The following OPHN1 variants were observed in gnomAD, a reference collection of about 807,000 sequenced individuals.
The protein encoded by OPHN1 is oligophrenin-1.
A neutral mutation model predicts 60.7 loss-of-function variants in OPHN1; 11 were observed. The ratio of observed to expected loss-of-function variants is 0.18; its 90% CI spans 0.11 to 0.30. The LOEUF is 0.30. Ranked by LOEUF, OPHN1 falls within the 10% of genes least tolerant of loss-of-function variation. The pLI is 1.00. For synonymous variants in OPHN1, 226 were observed against 222.6 expected (o/e 1.02, Z -0.14); for missense variants, 449 against 611.0 (o/e 0.73, Z 2.80).
At chrX:68,403,989 G>C (rs959202741) in intron 2 of OPHN1, among the ~76,000 whole-genome samples, 10 of 108,886 alleles carry the variant, frequency 9.2e-5, no homozygotes, top group African/African-American at 3.3e-4. Context: ...AGGAGACCTG[G>C]GTTGAAGTCT....
intron 18 of OPHN1, among the ~76,000 whole-genome samples, chrX:68,099,097 T>C (rs1400379675): frequency 1.8e-5 from 2 of 111,690 alleles, no homozygotes; most frequent in South Asian, 7.6e-4. Context: ...TTACTTGGCA[T>C]CCCATTTAGG....
At chrX:68,113,573 G>A (rs758102833) in intron 16 of OPHN1, among the ~76,000 whole-genome samples, 5 of 110,966 alleles carry the variant, frequency 4.5e-5, no homozygotes, top group South Asian at 3.9e-4. Flanking sequence ...TAGAATTTCC[G>A]AAGTGCTTTT....
rs200288420 is a variant in OPHN1, at chrX:68,389,568, AAAATAAAT to A, written c.154+43291_154+43298del. On this transcript the variant is annotated intron_variant, in intron 2 of 24. Coordinates refer to ENST00000355520, the MANE Select transcript of OPHN1 (RefSeq NM_002547.3). ...GGCAACAGAGCAAGACTCCCTCTCA[AAAATAAAT>A]AAATAAATAAATAAATAAATAAATA... Among the ~76,000 whole-genome samples the A allele has an allele frequency of 2.1e-3, 161 of 76,850 alleles. 2 individuals are homozygous for A. Among genetic ancestry groups the A allele is most frequent in the East Asian group, 4.7e-3 (11 of 2,317 alleles). The allele number at this position is 76,850 out of a possible 115,157, so 66.7% of individuals were successfully genotyped here. A position where few individuals can be genotyped will look rare whatever the true frequency, so the allele number is the denominator to read the frequency against.
At chrX:68,429,334 G>A (rs140379069) in intron 2 of OPHN1, among the ~76,000 whole-genome samples, 1,206 of 111,052 alleles carry the variant, frequency 0.011, 18 homozygotes, top group African/African-American at 0.038. Context: ...GCTGAGGCAC[G>A]AGAATTGCTT....
In OPHN1 at chrX:68,262,829, A is replaced by AAGGAAAGGAC. The variant is rs1569261668; in HGVS notation, c.384+11908_384+11909insGTCCTTTCCT. 4.1e-5 allele frequency among the ~76,000 whole-genome samples: 4 copies of AAGGAAAGGAC among 97,989 alleles called. No individual in the cohort carries two copies. The East Asian group carries it at 1.4e-3, about 33-fold the overall frequency. 85.1% of individuals were successfully genotyped at this position (97,989 alleles called of 115,157 possible). On this transcript the variant is annotated intron_variant, in intron 5 of 24. Coordinates refer to ENST00000355520, the MANE Select transcript of OPHN1 (RefSeq NM_002547.3). Reference sequence around the variant, plus strand: ...CAGGACAGGACAGGACAAGAAAGGAAAGGACAGGACAGGACAGGACAGGAC... The same window carrying AAGGAAAGGAC: ...CAGGACAGGACAGGACAAGAAAGGAAAGGAAAGGACAGGACAGGACAGGACAGGACAGGAC...
At chrX:68,162,209 T>C (rs931923891) in intron 15 of OPHN1, among the ~76,000 whole-genome samples, 5 of 110,736 alleles carry the variant, frequency 4.5e-5, no homozygotes, top group African/African-American at 1.6e-4. Flanking sequence ...TGGTTATCTG[T>C]ATCAGAACAG....
intron 2 of OPHN1, among the ~76,000 whole-genome samples, chrX:68,365,867 A>T (rs1020014311): frequency 9.5e-6 from 1 of 105,406 alleles, no homozygotes; most frequent in Non-Finnish European, 1.9e-5. Context: ...CAAAGAGACT[A>T]AGTGACTATC....
At chrX:68,380,929 C>A (rs746557083) in intron 2 of OPHN1, among the ~76,000 whole-genome samples, 1 of 111,606 alleles carries the variant, frequency 9.0e-6, no homozygotes, top group Non-Finnish European at 1.9e-5. Context: ...GAAGAGGAAA[C>A]AAAGCTTAGA....
intron 11 of OPHN1, among the ~76,000 whole-genome samples, chrX:68,198,515 T>A (rs2077521913): frequency 8.9e-6 from 1 of 112,075 alleles, no homozygotes; most frequent in African/African-American, 3.2e-5. Context: ...CCCAAGCTGT[T>A]ATGCTCTTTA....
chrX:68,169,511 C>T (rs1390835844), intron 15 of OPHN1, among the ~76,000 whole-genome samples: 59 of 108,842 alleles, frequency 5.4e-4, no homozygotes, highest in African/African-American at 1.5e-3. Context: ...GGAGGCATCA[C>T]GCTACATGAC....
At chrX:68,056,900 A>G (rs1438380329) in intron 21 of OPHN1, among the ~76,000 whole-genome samples, 1 of 111,558 alleles carries the variant, frequency 9.0e-6, no homozygotes, top group Non-Finnish European at 1.9e-5. Flanking sequence ...ATAAATTATA[A>G]TAATAATAGT....
intron 5 of OPHN1, among the ~76,000 whole-genome samples, chrX:68,235,407 A>G (rs1251001516): frequency 9.0e-6 from 1 of 111,525 alleles, no homozygotes. Context: ...AGCACCTGCA[A>G]TGTGCCAGGT....
At chrX:68,172,907 C>T (rs994751586) in intron 15 of OPHN1, among the ~76,000 whole-genome samples, 1 of 111,234 alleles carries the variant, frequency 9.0e-6, no homozygotes, top group African/African-American at 3.3e-5. Context: ...TCTCTGTCTC[C>T]TCCCAATTCC....
chrX:68,131,593 T>C (rs1460795673), intron 15 of OPHN1, among the ~76,000 whole-genome samples: 1 of 112,233 alleles, frequency 8.9e-6, no homozygotes, highest in Non-Finnish European at 1.9e-5. Context: ...CATAAAGTAA[T>C]ACAGACACCA....
chrX:68,156,159 A>G (rs2077308243), intron 15 of OPHN1, among the ~76,000 whole-genome samples: 1 of 111,050 alleles, frequency 9.0e-6, no homozygotes, highest in Admixed American at 9.6e-5. Context: ...TTTCTTAAAG[A>G]AAGATTAATA....
rs977446316 is a variant in OPHN1 at position 68,184,055 on chromosome X, G to A, written c.1276+8864C>T. Among the ~76,000 whole-genome samples, 78 of 111,648 alleles carry A rather than the reference G, an allele frequency of 7.0e-4. 1 individual carries two copies. The highest frequency in any genetic ancestry group is 6.8e-3 in the Admixed American group (71 of 10,508). On this transcript the variant is annotated intron_variant, in intron 15 of 24. Transcript: ENST00000355520. ...AGCATGCTTTAAAAGGCAATGAGTC[G>A]GAGGGGGGAGGGATAGCATCAGAAG... is the stretch of plus-strand genomic sequence containing the variant.
At chrX:68,177,476 G>C (rs1263422579) in intron 15 of OPHN1, among the ~76,000 whole-genome samples, 1 of 110,908 alleles carries the variant, frequency 9.0e-6, no homozygotes, top group Non-Finnish European at 1.9e-5. Context: ...AGATAATCTG[G>C]TCAGTTGCTG....
At chrX:68,103,660 T>C (rs1405379296) in intron 18 of OPHN1, among the ~76,000 whole-genome samples, 2 of 110,538 alleles carry the variant, frequency 1.8e-5, no homozygotes, top group Non-Finnish European at 1.9e-5. Context: ...TAGGTGTTGA[T>C]GGAACGTATC....
chrX:68,223,762 T>C (rs1162965748), intron 6 of OPHN1, among the ~76,000 whole-genome samples: 1 of 111,601 alleles, frequency 9.0e-6, no homozygotes, highest in Non-Finnish European at 1.9e-5. Flanking sequence ...AGATATATCA[T>C]GCTAACATTA....
Sources: allele counts gnomAD v4.1 joint callset (sites outside exome capture counted in the v4.1 genomes callset), GRCh38; gene constraint gnomAD v4.1.1; transcripts MANE v1.5; gene names NCBI Gene and HGNC (gene_info 2026-07-23, HGNC 2026-07-21).